The following SPATS2 variants were observed in gnomAD, a reference collection of about 807,000 sequenced individuals.
SPATS2 encodes the protein spermatogenesis-associated serine-rich protein 2.
A neutral mutation model predicts 63.7 loss-of-function variants in SPATS2; 38 were observed. That is an observed-to-expected ratio of 0.60 (90% CI 0.46 to 0.78). The LOEUF (loss-of-function observed/expected upper bound fraction) is 0.78. Among genes scored for constraint, SPATS2 ranks in the 30% least tolerant of loss-of-function variants. The pLI is 0.00. For synonymous variants in SPATS2, 207 were observed against 232.9 expected (o/e 0.89, Z 1.01); for missense variants, 588 against 666.2 (o/e 0.88, Z 1.29).
At chr12:49,522,376 T>A (rs1361803792) in intron 11 of SPATS2, among the ~76,000 whole-genome samples, 2 of 152,228 alleles carry the variant, frequency 1.3e-5, no homozygotes, top group Non-Finnish European at 2.9e-5. Context: ...GGTATCATTG[T>A]AGTACCTTGT....
At chr12:49,422,002 C>G (rs1176653768) in intron 2 of SPATS2, among the ~76,000 whole-genome samples, 1 of 152,112 alleles carries the variant, frequency 6.6e-6, no homozygotes, top group African/African-American at 2.4e-5. Context: ...CAGGCAACTT[C>G]CTAATGTTAA....
At chr12:49,367,672 A>T (rs1943922989) in intron 1 of SPATS2, 85 bp downstream of exon 1, 2 of 40,556 alleles carry the variant, frequency 4.9e-5, no homozygotes, top group Non-Finnish European at 8.5e-5. Context: ...GAGGAAAAAG[A>T]GGGAGGGGGT....
At chr12:49,525,896 G>A (rs1406173353) in intron 13 of SPATS2, 48 bp from the exon 14 acceptor site, 2 of 1,576,386 alleles carry the variant, frequency 1.3e-6, no homozygotes, top group South Asian at 1.2e-5. Flanking sequence ...AACGAATGGG[G>A]TACCATAATG....
intron 2 of SPATS2, among the ~76,000 whole-genome samples, chr12:49,378,034 A>T (rs181287127): frequency 6.6e-6 from 1 of 151,770 alleles, no homozygotes; most frequent in African/African-American, 2.4e-5. Context: ...GCACAATGGC[A>T]CGATCTTGGC....
chr12:49,493,602 C>T (rs12314428), intron 6 of SPATS2, among the ~76,000 whole-genome samples: 28,360 of 151,784 alleles, frequency 0.19, 3,636 homozygotes, highest in African/African-American at 0.37. Flanking sequence ...GGGGTTTCGT[C>T]GTATTGGCCA....
chr12:49,390,153 G>A (rs1306428099), intron 2 of SPATS2: 2 of 1,535,872 alleles, frequency 1.3e-6, no homozygotes, highest in Non-Finnish European at 1.8e-6. Context: ...ACTTGAGTCT[G>A]AGGAAGAGCT....
intron 2 of SPATS2, among the ~76,000 whole-genome samples, chr12:49,401,739 C>T (rs954342551): frequency 6.6e-6 from 1 of 152,050 alleles, no homozygotes; most frequent in Non-Finnish European, 1.5e-5. Flanking sequence ...ACTCTGTCGC[C>T]CCGACTGGAG....
chr12:49,433,407 C>T (rs1945220501), intron 2 of SPATS2, among the ~76,000 whole-genome samples: 1 of 152,224 alleles, frequency 6.6e-6, no homozygotes, highest in Non-Finnish European at 1.5e-5. Flanking sequence ...AAGTGATCTG[C>T]CGACCTCGGC....
intron 7 of SPATS2, among the ~76,000 whole-genome samples, chr12:49,495,746 G>T (rs1412033890): frequency 2.0e-5 from 3 of 152,160 alleles, no homozygotes; most frequent in African/African-American, 7.2e-5. Flanking sequence ...ACTACAGAAG[G>T]TGACTTTAAG....
At chr12:49,516,169 ATATATATATATAT>A (rs1946843838) in intron 10 of SPATS2, among the ~76,000 whole-genome samples, 2 of 11,604 alleles carry the variant, frequency 1.7e-4, no homozygotes, top group African/African-American at 5.5e-4. Flanking sequence ...AAAAAAAAAT[ATATATATATATAT>A]ATATATATAT....
intron 2 of SPATS2, chr12:49,441,704 A>T (rs1290740745): frequency 6.6e-6 from 1 of 152,234 alleles, no homozygotes; most frequent in African/African-American, 2.4e-5. Flanking sequence ...CTAAAAAGCC[A>T]TGTGTTACAA....
chr12:49,496,978 A>G lies in SPATS2; in HGVS notation c.672A>G (p.Glu224=). 6.3e-7 allele frequency: 1 copy of G among 1,589,228 alleles called. No homozygotes were observed. Among genetic ancestry groups the G allele is most frequent in the Non-Finnish European group, 8.6e-7 (1 of 1,168,700 alleles). The change falls in exon 8 of 14, where the codon GAA becomes GAG. Residue 224 remains glutamate (E), a synonymous_variant. Coordinates refer to ENST00000552918, the MANE Select transcript of SPATS2 (RefSeq NM_023071.4). The part of the protein sequence containing the change: ...TETQFSNMGM[E]DVPLATSKKL... Reference sequence around the variant, plus strand: ...CTCAGTTTTCAAATATGGGGATGGAAGATGTTCCCCTCGCCACCAGTAAAA... The same window carrying G: ...CTCAGTTTTCAAATATGGGGATGGAGGATGTTCCCCTCGCCACCAGTAAAA...
At chr12:49,484,524 C>A in intron 3 of SPATS2, 66 bp from the exon 4 acceptor site, 2 of 1,497,562 alleles carry the variant, frequency 1.3e-6, no homozygotes, top group Non-Finnish European at 9.2e-7. Context: ...CCAGTCTTGG[C>A]CCTTCTGTCT....
intron 4 of SPATS2, among the ~76,000 whole-genome samples, chr12:49,485,488 A>C: frequency 6.6e-6 from 1 of 151,796 alleles, no homozygotes; most frequent in East Asian, 1.9e-4. Flanking sequence ...CAGCCTCCTG[A>C]GTAGCTGGGA....
chr12:49,428,083 G>A (rs1436113007), intron 2 of SPATS2, among the ~76,000 whole-genome samples: 2 of 151,844 alleles, frequency 1.3e-5, no homozygotes, highest in South Asian at 2.1e-4. Context: ...GTGAAACCCC[G>A]TCTCTACTAA....
rs766265197 is a variant in SPATS2 at position 49,510,262 on chromosome 12, T to TA, written c.840-4278dup. ...TGGGTGACAGAGCAAGACCCTGTCT[T>TA]AAAAAAAAAAAAAAATCGTCCAGGT... On this transcript the variant is annotated intron_variant, in intron 9 of 13. Coordinates refer to ENST00000552918, the MANE Select transcript of SPATS2 (RefSeq NM_023071.4). Among the ~76,000 whole-genome samples, 452 of 127,142 alleles carry TA rather than the reference T, an allele frequency of 3.6e-3. 2 individuals are homozygous for TA. The highest frequency in any genetic ancestry group is 0.01 in the Middle Eastern group (2 of 198). The allele number at this position is 127,142 out of a possible 152,430, so 83.4% of individuals were successfully genotyped here.
intron 2 of SPATS2, among the ~76,000 whole-genome samples, chr12:49,447,864 C>T (rs150941309): frequency 1.3e-5 from 2 of 151,896 alleles, no homozygotes; most frequent in Admixed American, 6.6e-5. Context: ...CTTTTTTATT[C>T]TGGTCAACCT....
chr12:49,372,756 A>G (rs879642945), intron 2 of SPATS2, among the ~76,000 whole-genome samples: 5 of 152,066 alleles, frequency 3.3e-5, no homozygotes, highest in Non-Finnish European at 7.4e-5. Flanking sequence ...TGCTTTAAAT[A>G]TTTCGAGCGG....
intron 9 of SPATS2, among the ~76,000 whole-genome samples, chr12:49,504,672 T>G (rs751742243): frequency 1.6e-4 from 24 of 151,264 alleles, no homozygotes; most frequent in Non-Finnish European, 3.1e-4. Flanking sequence ...CAGAAAGTCA[T>G]GTAAGTTTAT....
Sources: gnomAD v4.1 joint callset for allele counts (sites outside exome capture counted in the v4.1 genomes callset) on GRCh38, gnomAD v4.1.1 for gene constraint, MANE v1.5 for transcripts, NCBI Gene and HGNC (gene_info 2026-07-23, HGNC 2026-07-21) for gene names.